The following EVC2 variants were observed in gnomAD, a reference collection of about 807,000 sequenced individuals.
EVC2 encodes EvC ciliary complex subunit 2.
In EVC2, 148 loss-of-function variants were observed where a neutral mutation model predicts 149.3. The ratio of observed to expected loss-of-function variants is 0.99; its 90% CI spans 0.87 to 1.14. The LOEUF is 1.14. Ranked by LOEUF, EVC2 falls within the 50% of genes most tolerant of loss-of-function variation. The probability of loss-of-function intolerance (pLI) is 0.00; values close to 1 mark genes in which losing one functional copy is unlikely to be tolerated. For synonymous variants in EVC2, 776 were observed against 649.9 expected (o/e 1.19, Z -2.95); for missense variants, 1,854 against 1,627.3 (o/e 1.14, Z -2.40).
At chr4:5,705,649 T>G (rs375686764) in intron 1 of EVC2, among the ~76,000 whole-genome samples, 27 of 152,282 alleles carry the variant, frequency 1.8e-4, no homozygotes, top group African/African-American at 6.3e-4. Context: ...ATGTCTGAGT[T>G]AATGGAAGGA....
Position 5,665,552 on chromosome 4 carries a change from T to C in EVC2, c.968A>G (p.Tyr323Cys), listed in dbSNP as rs1209528522. Residue 323 changes from tyrosine to cysteine, a missense_variant, in exon 8 of 22, where the codon TAT (tyrosine) becomes TGT (cysteine). Coordinates refer to ENST00000344408, the MANE Select transcript of EVC2 (RefSeq NM_147127.5). ...GAGCATGTTTCCCTTCAGACACTGA[T>C]AGCGAACCATGAGGAAGAGGGCAGC... is the stretch of plus-strand genomic sequence containing the variant. ...TWAALFLMVRYQCLKGNMLTR... is the reference protein window; with the variant it reads ...TWAALFLMVRCQCLKGNMLTR... 3.7e-6 allele frequency: 6 copies of C among 1,614,130 alleles called. No individual in the cohort carries two copies. The highest frequency in any genetic ancestry group is 2.5e-6 in the Non-Finnish European group (3 of 1,180,018).
At chr4:5,585,737 C>A (rs929313042) in intron 16 of EVC2, among the ~76,000 whole-genome samples, 17 of 152,134 alleles carry the variant, frequency 1.1e-4, no homozygotes, top group African/African-American at 4.1e-4. Context: ...GGTAATCCCA[C>A]CCCCTGCCCC....
chr4:5,558,549 G>A (rs1205772885), downstream of EVC2, among the ~76,000 whole-genome samples: 4 of 152,022 alleles, frequency 2.6e-5, no homozygotes, highest in South Asian at 8.3e-4. Context: ...CCATGTCAAT[G>A]CAAAATTGAC....
chr4:5,654,430 G>A (rs1014964083), intron 9 of EVC2, among the ~76,000 whole-genome samples: 1 of 152,206 alleles, frequency 6.6e-6, no homozygotes, highest in African/African-American at 2.4e-5. Context: ...CCTCTCACTG[G>A]AGACGCCTCT....
chr4:5,592,576 G>A (rs773055491), intron 16 of EVC2, among the ~76,000 whole-genome samples: 1 of 152,228 alleles, frequency 6.6e-6, no homozygotes, highest in Non-Finnish European at 1.5e-5. Flanking sequence ...GGGAACAGCA[G>A]TCTCCCAACA....
At chr4:5,628,526 A>C in intron 12 of EVC2, 33 bp downstream of exon 12, 1 of 1,613,574 alleles carries the variant, frequency 6.2e-7, no homozygotes, top group Non-Finnish European at 8.5e-7. Flanking sequence ...AGACTAAGAC[A>C]GTTCGCACTG....
intron 21 of EVC2, among the ~76,000 whole-genome samples, chr4:5,556,179 CAAAAAAAAAAAAA>C (rs61024761): frequency 1.1e-4 from 7 of 65,034 alleles, no homozygotes; most frequent in East Asian, 1.3e-3. Flanking sequence ...GACTCCGTCT[CAAAAAAAAAAAAA>C]AAAAAAAAAA....
At chr4:5,583,859 A>G (rs1460650813) in intron 17 of EVC2, among the ~76,000 whole-genome samples, 2 of 127,852 alleles carry the variant, frequency 1.6e-5, no homozygotes, top group East Asian at 8.5e-4. Flanking sequence ...GAAGAAACAC[A>G]GTTTTTTTTT....
chr4:5,650,143 C>G (rs960045562), intron 9 of EVC2, among the ~76,000 whole-genome samples: 4 of 152,132 alleles, frequency 2.6e-5, no homozygotes, highest in African/African-American at 9.7e-5. Context: ...AGGCCTCGAG[C>G]TACTCCTTAA....
chr4:5,698,969 G>A (rs1466956747), intron 1 of EVC2, among the ~76,000 whole-genome samples: 15 of 152,214 alleles, frequency 9.9e-5, no homozygotes, highest in Admixed American at 6.5e-4. Flanking sequence ...GGACAGGATC[G>A]ATGGGACAAC....
intron 17 of EVC2, among the ~76,000 whole-genome samples, chr4:5,577,864 G>C (rs2108780434): frequency 6.6e-6 from 1 of 152,246 alleles, no homozygotes; most frequent in African/African-American, 2.4e-5. Context: ...AGTGTATGCT[G>C]TCATGCTGTC....
At chr4:5,541,206 C>T (rs966022790), downstream of EVC2, among the ~76,000 whole-genome samples, 1 of 152,154 alleles carries the variant, frequency 6.6e-6, no homozygotes, top group African/African-American at 2.4e-5. Flanking sequence ...ATTCATTCCA[C>T]AACTATTCAT....
intron 4 of EVC2, among the ~76,000 whole-genome samples, chr4:5,690,292 T>A (rs1721027805): frequency 6.6e-6 from 1 of 152,134 alleles, no homozygotes; most frequent in Admixed American, 6.5e-5. Flanking sequence ...TCAGCAGGCC[T>A]GGGCTGTCCA....
rs1316162442 is a variant in EVC2 at position 5,622,682 on chromosome 4, C to A, written c.2356G>T (p.Ala786Ser). 3.7e-6 allele frequency: 6 copies of A among 1,614,022 alleles called. No homozygotes were observed. In the Admixed American group the frequency reaches 1.0e-4, roughly 27 times the overall value. ...TCCCCCTCCAGCTGCTCGGCCCGTG[C>A]AGCCATCTCCTTGCCGTGCTCCTCC... ...ILEEHGKEMA[A>S]RAEQLEGEER... The change falls in exon 14 of 22, where the codon GCA becomes TCA. Residue 786 changes from alanine to serine, a missense_variant. Coordinates refer to ENST00000344408, the MANE Select transcript of EVC2 (RefSeq NM_147127.5). The surrounding 1 kb of genome is among the most constrained non-coding windows in gnomAD (Gnocchi z 5.8).
chr4:5,639,738 C>T (rs543707872), intron 10 of EVC2, among the ~76,000 whole-genome samples: 2 of 152,378 alleles, frequency 1.3e-5, no homozygotes, highest in South Asian at 4.1e-4. Context: ...GACATCACAA[C>T]TTTCTGTGAA....
intron 1 of EVC2, among the ~76,000 whole-genome samples, chr4:5,703,380 C>T (rs746073373): frequency 3.3e-5 from 5 of 152,162 alleles, no homozygotes; most frequent in Non-Finnish European, 7.3e-5. Flanking sequence ...GACTGAGCAC[C>T]AACTTCAGGA....
At chr4:5,689,780 G>A (rs193291846) in intron 4 of EVC2, among the ~76,000 whole-genome samples, 13 of 152,240 alleles carry the variant, frequency 8.5e-5, no homozygotes, top group East Asian at 1.9e-4. Flanking sequence ...CTGCTCGTCC[G>A]CCTCTTGGAT....
At chr4:5,650,622 TATATATATATATATATAGAG>T (rs1247374637) in intron 9 of EVC2, among the ~76,000 whole-genome samples, 1 of 86,488 alleles carries the variant, frequency 1.2e-5, no homozygotes, top group African/African-American at 4.0e-5. Context: ...TATATATATA[TATATATATATATATATAGAG>T]AGAGAGAGAG....
chr4:5,564,051 C>T (rs1327714740), intron 21 of EVC2, among the ~76,000 whole-genome samples: 8 of 152,242 alleles, frequency 5.3e-5, no homozygotes, highest in Non-Finnish European at 8.8e-5. Flanking sequence ...CCAAGCAGGG[C>T]AGGACAAGGC....
Sources: gnomAD v4.1 joint callset for allele counts (sites outside exome capture counted in the v4.1 genomes callset) on GRCh38, gnomAD v4.1.1 for gene constraint, Gnocchi (gnomAD v3.1) non-coding constraint, MANE v1.5 for transcripts, NCBI Gene and HGNC (gene_info 2026-07-23, HGNC 2026-07-21) for gene names.